BTD: variants seen among roughly 807,000 people sequenced by gnomAD.
BTD encodes the protein biotinidase.
BTD carries 13 observed loss-of-function variants against 17.7 expected under a neutral mutation model. That is an observed-to-expected ratio of 0.74 (90% CI 0.48 to 1.17). BTD has a LOEUF of 1.17. BTD is among the 50% of genes most tolerant of loss of function. The pLI, the probability that BTD is intolerant of heterozygous loss-of-function variation, is 0.00. For synonymous variants in BTD, 240 were observed against 245.2 expected, an observed-to-expected ratio of 0.98 and a Z score of 0.20; for missense variants, 674 against 650.4, an observed-to-expected ratio of 1.04 and a Z score of -0.39.
In BTD at chr3:15,601,896, T is replaced by C. The variant is rs745648160; in HGVS notation, c.-17+2T>C. 8 of 1,613,496 alleles carry C rather than the reference T, an allele frequency of 5.0e-6. No homozygotes were observed. In the East Asian group the frequency reaches 1.6e-4, roughly 31 times the overall value. On this transcript the variant is annotated splice_donor_variant, in intron 1 of 3. Coordinates refer to ENST00000643237, the MANE Select transcript of BTD (RefSeq NM_001370658.1). LOFTEE classifies it low-confidence loss of function (5UTR_SPLICE). Reference sequence around the variant, plus strand: ...GGGCGGAAGGCGCGCTAAGAGCAGGTACGGAGGGGGCGTGGTGCGGCGCGG... The same window carrying C: ...GGGCGGAAGGCGCGCTAAGAGCAGGCACGGAGGGGGCGTGGTGCGGCGCGG...
At chr3:15,662,908 T>G (rs2065939925) in intron 3 of BTD, among the ~76,000 whole-genome samples, 1 of 151,714 alleles carries the variant, frequency 6.6e-6, no homozygotes, top group African/African-American at 2.4e-5. Context: ...AAGTTCCCAT[T>G]TTCCTAGTTT....
At chr3:15,665,529 G>A (rs566725911) in intron 3 of BTD, among the ~76,000 whole-genome samples, 1 of 152,126 alleles carries the variant, frequency 6.6e-6, no homozygotes. Context: ...ACACTGTAAG[G>A]GTACCACAAA....
rs182817042 is a variant in BTD, at chr3:15,647,641, T to C, written c.*2153T>C. 6.6e-6 allele frequency: 1 copy of C among 152,304 alleles called. No individual in the cohort carries two copies. The highest frequency in any genetic ancestry group is 1.5e-5 in the Non-Finnish European group (1 of 68,032). The allele number at this position is 152,304 out of a possible 1,614,324, so 9.4% of individuals were successfully genotyped here. A position where few individuals can be genotyped will look rare whatever the true frequency, so the allele number is the denominator to read the frequency against. On this transcript the variant is annotated 3_prime_UTR_variant, in exon 4 of 4. Transcript: ENST00000643237. ...ATAAATCATTTTCAGGGAAAAAATA[T>C]ATCTATGACTAATGGTTGTGATTAT... is the stretch of plus-strand genomic sequence containing the variant.
Position 15,645,730 on chromosome 3 carries a change from A to G in BTD, c.*242A>G. 1 of 505,876 alleles carries G rather than the reference A, an allele frequency of 2.0e-6. No homozygotes were observed. Among genetic ancestry groups the G allele is most frequent in the Non-Finnish European group, 3.5e-6 (1 of 285,180 alleles). 31.3% of individuals were successfully genotyped at this position (505,876 alleles called of 1,614,324 possible). On this transcript the variant is annotated 3_prime_UTR_variant, in exon 4 of 4. Transcript: ENST00000643237. ...TTTCTGTTCACATTTATCTTTTTCA[A>G]GCCACATCTTCCTCTAACAAATCTC... is the stretch of plus-strand genomic sequence containing the variant.
chr3:15,670,625 G>A (rs942641143), intron 3 of BTD: 25 of 1,450,492 alleles, frequency 1.7e-5, no homozygotes, highest in Middle Eastern at 3.6e-4. Context: ...AAGGAAATAA[G>A]CCTAAAGTAC....
At chr3:15,603,022 T>C (rs1475699710) in intron 1 of BTD, among the ~76,000 whole-genome samples, 1 of 152,136 alleles carries the variant, frequency 6.6e-6, no homozygotes, top group Non-Finnish European at 1.5e-5. Context: ...GCAGGGGAAC[T>C]GCCCTTTATA....
At chr3:15,696,332 A>G in intron 3 of BTD, 2 of 805,810 alleles carry the variant, frequency 2.5e-6, no homozygotes, top group Non-Finnish European at 1.9e-6. Flanking sequence ...AAAACTGACA[A>G]TTTTTCTTAT....
At position 15,619,883 on chromosome 3, in the gene BTD, G is replaced by A. The variant is rs1194645952; in HGVS notation, c.-16-15541G>A. Among the ~76,000 whole-genome samples the A allele has an allele frequency of 2.0e-5, 3 of 152,216 alleles. No homozygotes were observed. In the East Asian group the frequency reaches 5.8e-4, roughly 29 times the overall value. ...GACCATGATGCCTGCCTGAGTCTCA[G>A]ACCAGCAAGTTTTTATTAAGGGTTT... On this transcript the variant is annotated intron_variant, in intron 1 of 3. Coordinates refer to ENST00000643237, the MANE Select transcript of BTD (RefSeq NM_001370658.1).
In BTD at chr3:15,652,847, A is replaced by G. The variant is rs1320738680; in HGVS notation, c.*7359A>G. Among the ~76,000 whole-genome samples the G allele has an allele frequency of 2.0e-5, 3 of 152,192 alleles. No individual in the cohort carries two copies. The highest frequency in any genetic ancestry group is 7.2e-5 in the African/African-American group (3 of 41,448). On this transcript the variant is annotated 3_prime_UTR_variant, in exon 4 of 4. Coordinates refer to ENST00000643237, the MANE Select transcript of BTD (RefSeq NM_001370658.1). ...TGGCTATTATTTGTTGGGTTACACA[A>G]AGCCAGAAATCATCTACATCTACTC...
Position 15,641,261 on chromosome 3 carries a change from G to A in BTD, c.250-647G>A, listed in dbSNP as rs114559454. Among the ~76,000 whole-genome samples, 826 of 152,274 alleles carry A rather than the reference G, an allele frequency of 5.4e-3. 17 individuals carry two copies. Among genetic ancestry groups the A allele is most frequent in the African/African-American group, 0.019 (802 of 41,556 alleles). ...CAGTTGGGGAATGGAGATTTCAAGCGAGTTCTTGTTTCCAGGCTGAGATGA... is the reference window on the plus strand; with the variant it reads ...CAGTTGGGGAATGGAGATTTCAAGCAAGTTCTTGTTTCCAGGCTGAGATGA... On this transcript the variant is annotated intron_variant, in intron 2 of 3. Transcript: ENST00000643237.
intron 3 of BTD, among the ~76,000 whole-genome samples, chr3:15,665,770 T>C (rs553154031): frequency 1.3e-5 from 2 of 152,328 alleles, no homozygotes; most frequent in East Asian, 3.9e-4. Flanking sequence ...GCACAAACCA[T>C]ACTTGTGTGG....
intron 3 of BTD, among the ~76,000 whole-genome samples, chr3:15,701,409 C>T (rs985272723): frequency 2.0e-5 from 3 of 152,064 alleles, no homozygotes; most frequent in African/African-American, 7.2e-5. Context: ...CTTTGGGAAG[C>T]GGAGGTGGGC....
At position 15,690,160 on chromosome 3, in the gene BTD, C is replaced by G. The variant is rs185208041; in HGVS notation, c.400-19900C>G. ...GGTGTTCTTCCACTACTATTTCTGA[C>G]ATCAAGATCTAACAAAGACTGTACC... On this transcript the variant is annotated intron_variant, in intron 3 of 3. Coordinates refer to the BTD transcript ENST00000672141. The G allele has an allele frequency of 2.8e-4, 454 of 1,609,262 alleles. 3 individuals carry two copies. Among genetic ancestry groups the G allele is most frequent in the Non-Finnish European group, 1.9e-5 (22 of 1,177,600 alleles).
chr3:15,687,771 G>A (rs566949134), intron 3 of BTD, among the ~76,000 whole-genome samples: 168 of 152,230 alleles, frequency 1.1e-3, no homozygotes, highest in Non-Finnish European at 1.9e-3. Flanking sequence ...AAACAGGGTC[G>A]TAACACTTGG....
chr3:15,657,560 A>G (rs1054918419), downstream of BTD, among the ~76,000 whole-genome samples: 1 of 152,244 alleles, frequency 6.6e-6, no homozygotes, highest in Non-Finnish European at 1.5e-5. Flanking sequence ...TGAGCTAATT[A>G]GGCTATTTAT....
In BTD at chr3:15,648,859, C is replaced by T. The variant is rs886233394; in HGVS notation, c.*3371C>T. Among the ~76,000 whole-genome samples, 22 of 152,096 alleles carry T rather than the reference C, an allele frequency of 1.4e-4. No homozygotes were observed. Among genetic ancestry groups the T allele is most frequent in the South Asian group, 2.1e-4 (1 of 4,830 alleles). On this transcript the variant is annotated 3_prime_UTR_variant, in exon 4 of 4. Transcript: ENST00000643237. ...AGACACACACACAGGGAGAAGATGA[C>T]CATGTGACAACAGGGGCAGAGATCA...
rs181519223 is a variant in BTD, at chr3:15,663,372, G to A, written c.399+21315G>A. On this transcript the variant is annotated intron_variant, in intron 3 of 3. Transcript: ENST00000672141. ...GACCAAGTTAGGATATATTTTTTCTGCTTCTATCTCTGGAAAACACTGTAT... is the reference window on the plus strand; with the variant it reads ...GACCAAGTTAGGATATATTTTTTCTACTTCTATCTCTGGAAAACACTGTAT... Among the ~76,000 whole-genome samples, 12 of 152,248 alleles carry A rather than the reference G, an allele frequency of 7.9e-5. No homozygotes were observed. In the East Asian group the frequency reaches 2.3e-3, roughly 29 times the overall value.
At chr3:15,640,111 A>C (rs1163512634) in intron 2 of BTD, among the ~76,000 whole-genome samples, 3 of 152,224 alleles carry the variant, frequency 2.0e-5, no homozygotes, top group Non-Finnish European at 4.4e-5. Context: ...CTCAAAAAAC[A>C]AAACAAAACT....
chr3:15,691,078 C>A (rs967294313), intron 3 of BTD, among the ~76,000 whole-genome samples: 1 of 151,912 alleles, frequency 6.6e-6, no homozygotes, highest in African/African-American at 2.4e-5. Context: ...CAGGCATTGT[C>A]CTAGCTGTAC....
Sources: allele counts gnomAD v4.1 joint callset (sites outside exome capture counted in the v4.1 genomes callset), GRCh38; gene constraint gnomAD v4.1.1; transcripts MANE v1.5; gene names NCBI Gene and HGNC (gene_info 2026-07-23, HGNC 2026-07-21).